The following GP6 variants were observed in gnomAD, a reference collection of about 807,000 sequenced individuals.
The protein encoded by GP6 is platelet glycoprotein VI.
GP6 carries 45 observed loss-of-function variants against 37.3 expected under a neutral mutation model. That is an observed-to-expected ratio of 1.21 (90% CI 0.95 to 1.55). The LOEUF (loss-of-function observed/expected upper bound fraction) is 1.55, where lower values mean the gene tolerates loss of function less well. GP6 is among the 40% of genes most tolerant of loss of function. The probability of loss-of-function intolerance (pLI) is 0.00; values close to 1 mark genes in which losing one functional copy is unlikely to be tolerated. For missense variants in GP6, 813 were observed against 760.2 expected, an observed-to-expected ratio of 1.07 and a Z score of -0.82; for synonymous variants, 340 against 316.4, an observed-to-expected ratio of 1.07 and a Z score of -0.79.
Position 55,027,872 on chromosome 19 carries a change from A to G in GP6, c.326-10T>C. On this transcript the variant is annotated splice_polypyrimidine_tract_variant and intron_variant, in intron 3 of 7. Transcript: ENST00000310373. The stretch of plus-strand genomic sequence containing the variant: ...GGTTTGGCAAAAACTCCTGGGAGAA[A>G]AAGAAAGTCTGATGTTGAAGGCAGG... 6 of 1,613,956 alleles carry G rather than the reference A, an allele frequency of 3.7e-6. No individual in the cohort carries two copies. The South Asian group carries it at 6.6e-5, about 18-fold the overall frequency.
At chr19:55,035,365 A>T (rs138855543) in intron 1 of GP6, among the ~76,000 whole-genome samples, 1 of 152,320 alleles carries the variant, frequency 6.6e-6, no homozygotes, top group Admixed American at 6.5e-5. Flanking sequence ...ACTGCACATC[A>T]TGGTGACTGT....
In GP6 at chr19:55,032,846, TGTTCGTGTTAGACACGGTGGGCTC is replaced by T. The variant is rs1568639956; in HGVS notation, c.35-332_35-309del. 9.8e-5 allele frequency: 48 copies of T among 490,716 alleles called. 5 individuals carry two copies. Among genetic ancestry groups the T allele is most frequent in the Middle Eastern group, 1.1e-3 (2 of 1,892 alleles). The allele number at this position is 490,716 out of a possible 1,614,324, so 30.4% of individuals were successfully genotyped here. A position where few individuals can be genotyped will look rare whatever the true frequency, so the allele number is the denominator to read the frequency against. On this transcript the variant is annotated intron_variant, in intron 1 of 7. Coordinates refer to ENST00000310373, the MANE Select transcript of GP6 (RefSeq NM_001083899.2). ...GGTGGCGTACTGCTCTCTGTGGACT[TGTTCGTGTTAGACACGGTGGGCTC>T]GTTCGTGTTAGACACGGTGGACTCG... is the stretch of plus-strand genomic sequence containing the variant.
intron 5 of GP6, among the ~76,000 whole-genome samples, chr19:55,023,059 A>G (rs2146768239): frequency 6.6e-6 from 1 of 152,332 alleles, no homozygotes; most frequent in East Asian, 1.9e-4. Flanking sequence ...GACAATACTA[A>G]GCAAAAAGAA....
chr19:55,024,586 C>T (rs902582016), intron 5 of GP6, among the ~76,000 whole-genome samples: 1 of 152,172 alleles, frequency 6.6e-6, no homozygotes, highest in Non-Finnish European at 1.5e-5. Flanking sequence ...TAGTCTGGTA[C>T]ACCGTATTCA....
At chr19:55,026,616 C>T (rs559476349) in intron 4 of GP6, among the ~76,000 whole-genome samples, 104 of 152,234 alleles carry the variant, frequency 6.8e-4, no homozygotes, top group South Asian at 3.5e-3. Context: ...TCAAGTCCGA[C>T]GCGGTGGCTC....
intron 5 of GP6, among the ~76,000 whole-genome samples, chr19:55,021,613 C>T (rs1019552985): frequency 1.3e-5 from 2 of 150,468 alleles, no homozygotes; most frequent in Non-Finnish European, 3.0e-5. Context: ...CTCCGCCTCC[C>T]GGGTTCACGC....
In GP6 at chr19:55,035,631, C is replaced by T. The variant is rs372681473; in HGVS notation, c.34+2572G>A. Among the ~76,000 whole-genome samples the T allele has an allele frequency of 4.1e-4, 63 of 151,870 alleles. No individual in the cohort carries two copies. The South Asian group carries it at 5.0e-3, about 12-fold the overall frequency. On this transcript the variant is annotated intron_variant, in intron 1 of 7. Transcript: ENST00000310373. ...ACTTGGGAGGCTGAGGCAGGAGAAT[C>T]GCTTGAACCTGGGAGGTGGAGGTTG...
intron 5 of GP6, among the ~76,000 whole-genome samples, chr19:55,024,300 G>GCACACACGCACGCA (rs2074200788): frequency 1.6e-5 from 2 of 121,864 alleles, no homozygotes; most frequent in Non-Finnish European, 3.5e-5. Flanking sequence ...ATGCACGCAT[G>GCACACACGCACGCA]CACACACATA....
rs761729129 is a variant in GP6, at chr19:55,014,760, G to A, written c.1185C>T (p.Phe395=). Residue 395 remains phenylalanine, a synonymous_variant, in exon 8 of 8, where the codon TTC becomes TTT. Coordinates refer to ENST00000310373, the MANE Select transcript of GP6 (RefSeq NM_001083899.2). ...GCAGACAGACAGACAGACACTGGCCGAACGGCTCCCTGATGGAACACCAGG... is the reference window on the plus strand; with the variant it reads ...GCAGACAGACAGACAGACACTGGCCAAACGGCTCCCTGATGGAACACCAGG... 3.3e-5 allele frequency: 53 copies of A among 1,613,570 alleles called. 1 individual carries two copies. Among genetic ancestry groups the A allele is most frequent in the Admixed American group, 6.7e-5 (4 of 59,904 alleles).
rs2074676062 is a variant in GP6, at chr19:55,033,324, A to ACTCGTTCGTGTTGTGTTAGACACGGTGGG, written c.35-815_35-787dup. 1.1e-3 allele frequency among the ~76,000 whole-genome samples: 16 copies of ACTCGTTCGTGTTGTGTTAGACACGGTGGG among 14,836 alleles called. 2 individuals are homozygous for ACTCGTTCGTGTTGTGTTAGACACGGTGGG. The highest frequency in any genetic ancestry group is 3.8e-3 in the African/African-American group (14 of 3,638). The allele number at this position is 14,836 out of a possible 152,430, so 9.7% of individuals were successfully genotyped here. A position where few individuals can be genotyped will look rare whatever the true frequency, so the allele number is the denominator to read the frequency against. On this transcript the variant is annotated intron_variant, in intron 1 of 7. Coordinates refer to ENST00000310373, the MANE Select transcript of GP6 (RefSeq NM_001083899.2). ...GTTCGTGTTGTGTTAGACACGGTGG[A>ACTCGTTCGTGTTGTGTTAGACACGGTGGG]CTCGTTCGTGTTGTGTTAGACACGG...
At chr19:55,026,977 G>C (rs1466619768) in intron 4 of GP6, among the ~76,000 whole-genome samples, 1 of 149,212 alleles carries the variant, frequency 6.7e-6, no homozygotes, top group Non-Finnish European at 1.5e-5. Flanking sequence ...CCCCGCCCCT[G>C]CAGCCCAGGG....
Position 55,032,326 on chromosome 19 carries a change from G to C in GP6, c.138C>G (p.Leu46=). The C allele has an allele frequency of 1.2e-6, 2 of 1,614,110 alleles. No homozygotes were observed. The highest frequency in any genetic ancestry group is 1.7e-6 in the Non-Finnish European group (2 of 1,180,010). Reference sequence around the variant, plus strand: ...CCACGCCCGGAGGTCCCTGGCACCGGAGGGTCACTGGCTTCTCCAGGGGCA... The same window carrying C: ...CCACGCCCGGAGGTCCCTGGCACCGCAGGGTCACTGGCTTCTCCAGGGGCA... The change falls in exon 3 of 8, where the codon CTC becomes CTG. Residue 46 remains leucine (L), a synonymous_variant. Coordinates refer to ENST00000310373, the MANE Select transcript of GP6 (RefSeq NM_001083899.2).
intron 4 of GP6, 57 bp from the exon 5 acceptor site, chr19:55,025,328 A>C: frequency 4.8e-6 from 5 of 1,038,652 alleles, no homozygotes; most frequent in Non-Finnish European, 7.4e-6. Context: ...TCCTGAACAA[A>C]TAACGAAACA....
At chr19:55,021,114 T>G (rs190858156) in intron 5 of GP6, among the ~76,000 whole-genome samples, 265 of 148,114 alleles carry the variant, frequency 1.8e-3, no homozygotes, top group African/African-American at 6.3e-3. Context: ...ATCCCAGCAC[T>G]TTGGGAGGCC....
chr19:55,029,223 G>A (rs1015291323), intron 3 of GP6, among the ~76,000 whole-genome samples: 1 of 125,544 alleles, frequency 8.0e-6, no homozygotes, highest in Non-Finnish European at 1.8e-5. Flanking sequence ...GTGTCTGTCT[G>A]TATTCTTTTT....
rs953394310 is a variant in GP6 at position 55,032,815 on chromosome 19, A to C, written c.35-277T>G. 6.7e-6 allele frequency: 4 copies of C among 598,204 alleles called. No homozygotes were observed. In the Admixed American group the frequency reaches 1.1e-4, roughly 16 times the overall value. The allele number at this position is 598,204 out of a possible 1,614,324, so 37.1% of individuals were successfully genotyped here. A position where few individuals can be genotyped will look rare whatever the true frequency, so the allele number is the denominator to read the frequency against. On this transcript the variant is annotated intron_variant, in intron 1 of 7. Coordinates refer to ENST00000310373, the MANE Select transcript of GP6 (RefSeq NM_001083899.2). ...CTGGGGGTGGTGGGAGAGGAGGGCA[A>C]GGCATGGTGGCGTACTGCTCTCTGT...
chr19:55,030,897 G>A (rs1289562809), intron 3 of GP6, among the ~76,000 whole-genome samples: 1 of 152,114 alleles, frequency 6.6e-6, no homozygotes. Context: ...CACCCAGGCT[G>A]GAGTGCAGTG....
intron 6 of GP6, among the ~76,000 whole-genome samples, chr19:55,017,453 G>A (rs965538348): frequency 5.9e-5 from 9 of 152,188 alleles, no homozygotes; most frequent in African/African-American, 4.8e-5. Context: ...GACACTGAGC[G>A]AGAGCAGAGG....
intron 3 of GP6, among the ~76,000 whole-genome samples, chr19:55,031,100 A>C (rs917159690): frequency 1.3e-5 from 2 of 152,150 alleles, no homozygotes; most frequent in Non-Finnish European, 2.9e-5. Context: ...CTCCCGCCTC[A>C]GCCTCCCAAA....
Sources: gnomAD v4.1 joint callset for allele counts (sites outside exome capture counted in the v4.1 genomes callset) on GRCh38, gnomAD v4.1.1 for gene constraint, MANE v1.5 for transcripts, NCBI Gene and HGNC (gene_info 2026-07-23, HGNC 2026-07-21) for gene names.